Variants in ZWILCH observed in about 807,000 individuals in gnomAD.
ZWILCH encodes the protein protein zwilch homolog.
In ZWILCH, 74 loss-of-function variants were observed where a neutral mutation model predicts 79.9. That is an observed-to-expected ratio of 0.93 (90% CI 0.77 to 1.12). The LOEUF is 1.12. Among genes scored for constraint, ZWILCH ranks in the 50% most tolerant of loss-of-function variants. The probability of loss-of-function intolerance (pLI) is 0.00; values close to 1 mark genes in which losing one functional copy is unlikely to be tolerated. For synonymous variants in ZWILCH, 241 were observed against 228.2 expected (o/e 1.06, Z -0.51); for missense variants, 694 against 687.5 (o/e 1.01, Z -0.11).
Position 66,548,399 on chromosome 15 carries a change from GA to G in ZWILCH, c.*79del, listed in dbSNP as rs1895460997. On this transcript the variant is annotated 3_prime_UTR_variant, in exon 19 of 19. Coordinates refer to ENST00000307897, the MANE Select transcript of ZWILCH (RefSeq NM_017975.5). ...AAAAAAGGTAATTATTGTAGAACCTGAAAACAGCAATGTATGGAAACCCTCA... is the reference window on the plus strand; with the variant it reads ...AAAAAAGGTAATTATTGTAGAACCTGAAACAGCAATGTATGGAAACCCTCA... 8.9e-6 allele frequency: 5 copies of G among 563,986 alleles called. No individual in the cohort carries two copies. The East Asian group carries it at 1.4e-4, about 16-fold the overall frequency. The allele number at this position is 563,986 out of a possible 1,614,324, so 34.9% of individuals were successfully genotyped here.
intron 7 of ZWILCH, among the ~76,000 whole-genome samples, chr15:66,523,024 A>C (rs1000895480): frequency 4.0e-5 from 6 of 151,696 alleles, no homozygotes; most frequent in African/African-American, 2.4e-5. Flanking sequence ...GGTTTCGCCC[A>C]GTTGGCCAGG....
chr15:66,505,584 A>C, intron 1 of ZWILCH, 193 bp downstream of exon 1: 1 of 621,294 alleles, frequency 1.6e-6, no homozygotes, highest in Non-Finnish European at 2.8e-6. Context: ...TGCTTGTCTC[A>C]GGAGAAAACG....
intron 16 of ZWILCH, among the ~76,000 whole-genome samples, chr15:66,537,687 G>A (rs967311225): frequency 7.9e-5 from 12 of 152,120 alleles, no homozygotes; most frequent in African/African-American, 1.7e-4. Context: ...GTGAAACTCC[G>A]TCTCAAAAAA....
At chr15:66,532,923 C>A (rs555127966) in intron 13 of ZWILCH, 62 bp from the exon 14 acceptor site, 6 of 1,093,434 alleles carry the variant, frequency 5.5e-6, no homozygotes, top group Non-Finnish European at 7.5e-6. Context: ...AAATTAATTT[C>A]TATTAATATG....
intron 8 of ZWILCH, among the ~76,000 whole-genome samples, chr15:66,525,431 T>A (rs759304751): frequency 6.6e-6 from 1 of 152,252 alleles, no homozygotes; most frequent in Non-Finnish European, 1.5e-5. Flanking sequence ...ATTTTATAAA[T>A]GGATAGGATT....
intron 18 of ZWILCH, chr15:66,547,269 C>T (rs1383732475): frequency 1.4e-5 from 2 of 144,144 alleles, no homozygotes; most frequent in Non-Finnish European, 3.0e-5. Flanking sequence ...GCTATCTCGG[C>T]TCACTGCAAG....
chr15:66,512,175 A>C (rs1353703622), intron 2 of ZWILCH, among the ~76,000 whole-genome samples: 1 of 152,220 alleles, frequency 6.6e-6, no homozygotes, highest in East Asian at 1.9e-4. Context: ...TGAATGACAC[A>C]GACATTCATG....
intron 14 of ZWILCH, 32 bp from the exon 15 acceptor site, chr15:66,535,901 A>G (rs142095280): frequency 3.0e-5 from 48 of 1,574,216 alleles, no homozygotes; most frequent in Non-Finnish European, 3.9e-5. Context: ...GGTGCTTTAA[A>G]TCTCTATTTT....
At chr15:66,543,914 A>G (rs564421673) in intron 17 of ZWILCH, among the ~76,000 whole-genome samples, 44 of 152,194 alleles carry the variant, frequency 2.9e-4, no homozygotes, top group Non-Finnish European at 6.2e-4. Flanking sequence ...GTCTACATCT[A>G]TTGTTTTTTA....
chr15:66,538,492 C>T (rs984285725), intron 16 of ZWILCH, among the ~76,000 whole-genome samples: 1 of 152,038 alleles, frequency 6.6e-6, no homozygotes, highest in Non-Finnish European at 1.5e-5. Context: ...AAGCAATTCT[C>T]CTGCCTCAGC....
At chr15:66,513,956 T>C in intron 2 of ZWILCH, 32 bp from the exon 3 acceptor site, 1 of 1,478,380 alleles carries the variant, frequency 6.8e-7, no homozygotes, top group Non-Finnish European at 9.4e-7. Flanking sequence ...TATAAGTGTA[T>C]GTATAATGTT....
At chr15:66,522,331 CTTTT>C (rs1292788536) in intron 7 of ZWILCH, among the ~76,000 whole-genome samples, 9 of 135,850 alleles carry the variant, frequency 6.6e-5, no homozygotes, top group Non-Finnish European at 7.9e-5. Context: ...AGATTTCTTT[CTTTT>C]TTTTTTTTTT....
At chr15:66,542,307 C>T (rs942832167) in intron 17 of ZWILCH, among the ~76,000 whole-genome samples, 16 of 152,114 alleles carry the variant, frequency 1.1e-4, no homozygotes, top group South Asian at 6.2e-4. Flanking sequence ...AAAAAAAGGC[C>T]GGGCGCGGGG....
intron 17 of ZWILCH, among the ~76,000 whole-genome samples, chr15:66,544,724 T>TCTGTGTGTGTGTGTG (rs1555426548): frequency 7.8e-6 from 1 of 128,490 alleles, no homozygotes; most frequent in African/African-American, 3.1e-5. Flanking sequence ...TTTTTGGTTT[T>TCTGTGTGTGTGTGTG]TGTGTGTGTG....
intron 17 of ZWILCH, among the ~76,000 whole-genome samples, chr15:66,542,134 C>G (rs1895209182): frequency 6.6e-6 from 1 of 152,230 alleles, no homozygotes; most frequent in South Asian, 2.1e-4. Flanking sequence ...GCAAAACAGA[C>G]AAATTATAAA....
chr15:66,526,134 A>G (rs1281873610), intron 8 of ZWILCH, among the ~76,000 whole-genome samples: 4 of 151,960 alleles, frequency 2.6e-5, no homozygotes, highest in African/African-American at 9.7e-5. Flanking sequence ...GAAATGTTGT[A>G]TTTTCTCTTT....
intron 17 of ZWILCH, among the ~76,000 whole-genome samples, chr15:66,544,724 T>TGTGTGTGTG (rs1555426548): frequency 0.16 from 20,186 of 128,328 alleles, 1,870 homozygotes; most frequent in East Asian, 0.24. Flanking sequence ...TTTTTGGTTT[T>TGTGTGTGTG]TGTGTGTGTG....
At chr15:66,515,477 A>G (rs1270796627) in intron 3 of ZWILCH, 49 bp from the exon 4 acceptor site, 4 of 1,151,266 alleles carry the variant, frequency 3.5e-6, no homozygotes, top group Admixed American at 3.9e-5. Flanking sequence ...GTCAGCTGCT[A>G]TCCTATATGC....
At chr15:66,522,338 T>C (rs1389231583) in intron 7 of ZWILCH, among the ~76,000 whole-genome samples, 1 of 151,386 alleles carries the variant, frequency 6.6e-6, no homozygotes. Context: ...TTTCTTTTTT[T>C]TTTTTTTTTT....
Sources: gnomAD v4.1 joint callset for allele counts (sites outside exome capture counted in the v4.1 genomes callset) on GRCh38, gnomAD v4.1.1 for gene constraint, MANE v1.5 for transcripts, NCBI Gene and HGNC (gene_info 2026-07-23, HGNC 2026-07-21) for gene names.